The following MYRF variants were observed in gnomAD, a reference collection of about 807,000 sequenced individuals.
The protein encoded by MYRF is myelin regulatory factor, also known as myelin gene regulatory factor.
MYRF carries 16 observed loss-of-function variants against 126.3 expected under a neutral mutation model. That is an observed-to-expected ratio of 0.13 (90% confidence interval 0.09 to 0.19). The LOEUF is 0.19. Ranked by LOEUF, MYRF falls within the 10% of genes least tolerant of loss-of-function variation. The probability of loss-of-function intolerance (pLI) is 1.00; values close to 1 mark genes in which losing one functional copy is unlikely to be tolerated. For synonymous variants in MYRF, 608 were observed against 635.3 expected, an observed-to-expected ratio of 0.96 and a Z score of 0.65; for missense variants, 1,104 against 1,547.0, an observed-to-expected ratio of 0.71 and a Z score of 4.80.
rs1365671828 is a variant in MYRF, at chr11:61,779,500, A to G, written c.2177A>G (p.His726Arg). The change falls in exon 16 of 27, where the codon CAT becomes CGT. Residue 726 changes from histidine (H) to arginine (R), a missense_variant and splice_region_variant. Around this residue, in one of 10 missense-constraint regions of MYRF, gnomAD observed 123 missense variants for 209.1 expected, o/e 0.59. Coordinates refer to ENST00000278836, the MANE Select transcript of MYRF (RefSeq NM_001127392.3). ...TGATCCTGGCCCTCTTGCTGCAGCC[A>G]TGCAGGGAGCCAGTTCAGTCGGGCG... ...KSTGSSGAFS[H>R]AGSQFSRAGS... 6.5e-7 allele frequency: 1 copy of G among 1,527,854 alleles called. No individual in the cohort carries two copies. The highest frequency in any genetic ancestry group is 8.8e-7 in the Non-Finnish European group (1 of 1,135,398). 94.6% of individuals were successfully genotyped at this position (1,527,854 alleles called of 1,614,324 possible).
At chr11:61,759,045 A>G (rs1056944475) in intron 1 of MYRF, among the ~76,000 whole-genome samples, 4 of 152,110 alleles carry the variant, frequency 2.6e-5, no homozygotes, top group African/African-American at 9.7e-5. Context: ...GCCCTTACAT[A>G]TATGTGTGTG....
chr11:61,769,066 C>T (rs1480542408), intron 3 of MYRF, among the ~76,000 whole-genome samples, 194 bp from the exon 4 acceptor site: 1 of 152,194 alleles, frequency 6.6e-6, no homozygotes, highest in Non-Finnish European at 1.5e-5. Flanking sequence ...CCCCTACCCA[C>T]AATTCGGCCC....
chr11:61,767,135 C>T, intron 3 of MYRF: 1 of 456,310 alleles, frequency 2.2e-6, no homozygotes, highest in Non-Finnish European at 4.4e-6. Context: ...GCTTCCTGAG[C>T]TCCCTGGCTT....
rs11320420 is a variant in MYRF, at chr11:61,774,534, G to GA, written c.1311+384dup. ...GGGACTTCATCTCAAAAAAAAAAAAGAAAAAAAAAAAAGCAAGCATCTGTG... is the reference window on the plus strand; with the variant it reads ...GGGACTTCATCTCAAAAAAAAAAAAGAAAAAAAAAAAAAGCAAGCATCTGTG... On this transcript the variant is annotated intron_variant, in intron 8 of 26. Coordinates refer to ENST00000278836, the MANE Select transcript of MYRF (RefSeq NM_001127392.3). Among the ~76,000 whole-genome samples, 333 of 137,338 alleles carry GA rather than the reference G, an allele frequency of 2.4e-3. 1 individual carries two copies. Among genetic ancestry groups the GA allele is most frequent in the African/African-American group, 5.0e-3 (184 of 36,782 alleles). The allele number at this position is 137,338 out of a possible 152,430, so 90.1% of individuals were successfully genotyped here.
Position 61,786,152 on chromosome 11 carries a change from C to T in MYRF, c.*9C>T, listed in dbSNP as rs1456991779. On this transcript the variant is annotated 3_prime_UTR_variant, in exon 27 of 27. Transcript: ENST00000278836. The surrounding 1 kb of genome is among the most constrained non-coding windows in gnomAD (Gnocchi z 4.5). Reference sequence around the variant, plus strand: ...ACCGCCTGTGTGACTGAGCTGCCCTCCTGAGGCAGCACCACACCAGGGACC... The same window carrying T: ...ACCGCCTGTGTGACTGAGCTGCCCTTCTGAGGCAGCACCACACCAGGGACC... 1.2e-6 allele frequency: 2 copies of T among 1,613,598 alleles called. No homozygotes were observed. Among genetic ancestry groups the T allele is most frequent in the East Asian group, 2.2e-5 (1 of 44,870 alleles).
In MYRF at chr11:61,781,168, G is replaced by A. The variant is rs2066534141; in HGVS notation, c.2603G>A (p.Gly868Asp). Residue 868 changes from glycine to aspartate, a missense_variant, in exon 21 of 27, where the codon GGT becomes GAT. Physicochemically the swap from Gly to Asp is moderately conservative, Grantham distance 94. This residue lies in a region of MYRF where 323 missense variants were observed against 383.1 expected (regional missense o/e 0.84). Transcript: ENST00000278836. ...ACCAGCCTCACCAGCTCGGCCCCAG[G>A]TTCTGCTGTCCGCACCTTGGACATG... ...VTTSLTSSAP[G>D]SAVRTLDMCS... 1.2e-6 allele frequency: 2 copies of A among 1,613,876 alleles called. No individual in the cohort carries two copies. The highest frequency in any genetic ancestry group is 8.5e-7 in the Non-Finnish European group (1 of 1,180,016).
At chr11:61,761,701 C>T (rs902509447) in intron 1 of MYRF, among the ~76,000 whole-genome samples, 2 of 152,218 alleles carry the variant, frequency 1.3e-5, no homozygotes, top group African/African-American at 4.8e-5. Context: ...ATACTATATC[C>T]CAGAGAGACA....
At position 61,786,749 on chromosome 11, in the gene MYRF, T is replaced by C. The variant is rs1047792374; in HGVS notation, c.*606T>C. On this transcript the variant is annotated 3_prime_UTR_variant, in exon 27 of 27. Transcript: ENST00000278836. The surrounding 1 kb of genome is among the most constrained non-coding windows in gnomAD (Gnocchi z 4.5). ...CTTTAAGTGTGGCCCAGGAGGTTTC[T>C]TCTCCCTGGGAGGGCTTGGCTCCCA... 2 of 153,250 alleles carry C rather than the reference T, an allele frequency of 1.3e-5. No homozygotes were observed. The highest frequency in any genetic ancestry group is 4.8e-5 in the African/African-American group (2 of 41,444). The allele number at this position is 153,250 out of a possible 1,614,324, so 9.5% of individuals were successfully genotyped here.
intron 5 of MYRF, 143 bp from the exon 6 acceptor site, chr11:61,771,357 C>G: frequency 8.6e-7 from 1 of 1,159,868 alleles, no homozygotes; most frequent in Non-Finnish European, 1.2e-6. Context: ...GAGGCAAAGC[C>G]TGAGGGCTTC....
At chr11:61,760,917 C>T (rs1364602875) in intron 1 of MYRF, among the ~76,000 whole-genome samples, 5 of 152,122 alleles carry the variant, frequency 3.3e-5, no homozygotes, top group East Asian at 1.9e-4. Flanking sequence ...CCACCCTGGC[C>T]CTCAGCTGCT....
rs549055491 is a variant in MYRF, at chr11:61,756,179, C to T, written c.46+3389C>T. The stretch of plus-strand genomic sequence containing the variant: ...ATACTGGTTTGAAAGCCACCCTTCC[C>T]GGCTGTGGGATGGGTAAGGGGAGGG... On this transcript the variant is annotated intron_variant, in intron 1 of 26. Transcript: ENST00000278836. Among the ~76,000 whole-genome samples the T allele has an allele frequency of 2.0e-5, 3 of 152,278 alleles. No homozygotes were observed. In the East Asian group the frequency reaches 5.8e-4, roughly 29 times the overall value.
Position 61,778,988 on chromosome 11 carries a change from A to G in MYRF, c.2014-275A>G. On this transcript the variant is annotated intron_variant, in intron 14 of 26. Coordinates refer to ENST00000278836, the MANE Select transcript of MYRF (RefSeq NM_001127392.3). This position sits in a 1 kb window ranked among gnomAD's most constrained non-coding sequence, Gnocchi z 4.6. ...GCAGCCTTCAGGCTTAGGAGAGGAG[A>G]GCTCTGGCAGGGAGTGGGGAGGGCC... is the stretch of plus-strand genomic sequence containing the variant. 1.6e-6 allele frequency: 1 copy of G among 642,094 alleles called. No individual in the cohort carries two copies. Among genetic ancestry groups the G allele is most frequent in the Non-Finnish European group, 2.9e-6 (1 of 346,880 alleles). 39.8% of individuals were successfully genotyped at this position (642,094 alleles called of 1,614,324 possible). A position where few individuals can be genotyped will look rare whatever the true frequency, so the allele number is the denominator to read the frequency against.
rs1017199535 is a variant in MYRF, at chr11:61,780,565, CA to C, written c.2406-146del. The C allele has an allele frequency of 4.7e-5, 39 of 829,408 alleles. No individual in the cohort carries two copies. In the African/African-American group the frequency reaches 6.0e-4, roughly 13 times the overall value. The allele number at this position is 829,408 out of a possible 1,614,324, so 51.4% of individuals were successfully genotyped here. On this transcript the variant is annotated intron_variant, in intron 18 of 26. Coordinates refer to ENST00000278836, the MANE Select transcript of MYRF (RefSeq NM_001127392.3). ...GCTGTCTGAGGGGCTGGGGTTGGAA[CA>C]TGGGGTAGGAGGAAGGAGGGCCAGG...
At chr11:61,775,751 T>G (rs1160526232) in intron 8 of MYRF, among the ~76,000 whole-genome samples, 16 of 99,382 alleles carry the variant, frequency 1.6e-4, no homozygotes, top group Admixed American at 1.2e-3. Flanking sequence ...CATGCAGAGG[T>G]GGGGGGAGCG....
At chr11:61,775,426 G>A (rs2066349873) in intron 8 of MYRF, among the ~76,000 whole-genome samples, 1 of 152,156 alleles carries the variant, frequency 6.6e-6, no homozygotes, top group South Asian at 2.1e-4. Flanking sequence ...CTCCCCAGGG[G>A]CCCCTCCCCT....
At chr11:61,781,937 C>A in intron 22 of MYRF, 113 bp downstream of exon 22, 1 of 1,300,222 alleles carries the variant, frequency 7.7e-7, no homozygotes, top group Non-Finnish European at 1.0e-6. Flanking sequence ...AGTCAATAGA[C>A]GTTTGCTGAG....
At chr11:61,762,724 G>C (rs1449957835) in intron 1 of MYRF, among the ~76,000 whole-genome samples, 1 of 152,172 alleles carries the variant, frequency 6.6e-6, no homozygotes, top group African/African-American at 2.4e-5. Context: ...GGAAAGAGAC[G>C]ACGCGGCCTC....
At chr11:61,785,218 AGAGG>A (rs971863444) in intron 25 of MYRF, 5 of 155,202 alleles carry the variant, frequency 3.2e-5, no homozygotes, top group African/African-American at 9.6e-5. Flanking sequence ...GGTCCAAGAC[AGAGG>A]GAGAGCCCAG....
At position 61,766,034 on chromosome 11, in the gene MYRF, G is replaced by A. The variant is rs1234173852; in HGVS notation, c.211G>A (p.Gly71Arg). 5 of 1,595,262 alleles carry A rather than the reference G, an allele frequency of 3.1e-6. No individual in the cohort carries two copies. The South Asian group carries it at 3.3e-5, about 11-fold the overall frequency. ...HGQPAMPGSS[G>R]VHHLSPPGGG... is the part of the protein sequence containing the mutation. Reference sequence around the variant, plus strand: ...GCAGCCTGCGATGCCTGGCTCCAGCGGGGTCCACCACCTGAGCCCCCCTGG... The same window carrying A: ...GCAGCCTGCGATGCCTGGCTCCAGCAGGGTCCACCACCTGAGCCCCCCTGG... Residue 71 changes from glycine (G) to arginine (R), a missense_variant, in exon 3 of 27, where the codon GGG (glycine) becomes AGG (arginine). Physicochemically the swap from Gly to Arg is moderately radical, Grantham distance 125. Transcript: ENST00000278836.
Sources: gnomAD v4.1 joint callset for allele counts (sites outside exome capture counted in the v4.1 genomes callset) on GRCh38, gnomAD v4.1.1 for gene constraint, gnomAD v4.1.1 regional missense constraint, Gnocchi (gnomAD v3.1) non-coding constraint, MANE v1.5 for transcripts, NCBI Gene and HGNC (gene_info 2026-07-23, HGNC 2026-07-21) for gene names.